SV2C: variants seen among roughly 807,000 people sequenced by gnomAD.
SV2C encodes solute carrier family 22 member B3.
Under a neutral mutation model 79.7 loss-of-function variants are expected in SV2C, and 49 were observed. The observed-to-expected ratio is 0.61, with a 90% CI of 0.49 to 0.78. The LOEUF (loss-of-function observed/expected upper bound fraction) is 0.78, where lower values mean the gene tolerates loss of function less well. Ranked by LOEUF, SV2C falls within the 30% of genes least tolerant of loss-of-function variation. The pLI is 0.00. For synonymous variants in SV2C, 334 were observed against 333.2 expected (o/e 1.00, Z -0.03); for missense variants, 833 against 912.9 (o/e 0.91, Z 1.13).
intron 12 of SV2C, among the ~76,000 whole-genome samples, chr5:76,309,757 CAAA>C (rs1561310707): frequency 1.3e-5 from 2 of 151,896 alleles, no homozygotes; most frequent in Admixed American, 1.3e-4. Flanking sequence ...AAGAGGTTGT[CAAA>C]GAAAGATGAT....
chr5:76,301,557 T>C lies in SV2C; in HGVS notation c.2000+12T>C, dbSNP rs973023972. On this transcript the variant is annotated intron_variant, in intron 12 of 12. Coordinates refer to ENST00000502798, the MANE Select transcript of SV2C (RefSeq NM_014979.4). ...CCCACAGACCGGAGGTATGTTGAAA[T>C]GGGCCTCTAGTAAGAGGCACTCTAA... 8 of 1,610,448 alleles carry C rather than the reference T, an allele frequency of 5.0e-6. No homozygotes were observed. In the Admixed American group the frequency reaches 1.0e-4, roughly 20 times the overall value.
At chr5:76,266,471 G>A (rs1310285741) in intron 4 of SV2C, among the ~76,000 whole-genome samples, 1 of 152,178 alleles carries the variant, frequency 6.6e-6, no homozygotes. Context: ...GCCTCCCAAA[G>A]TGCTGGGTTT....
intron 4 of SV2C, among the ~76,000 whole-genome samples, chr5:76,261,610 A>G (rs903907247): frequency 1.3e-5 from 2 of 152,188 alleles, no homozygotes; most frequent in African/African-American, 2.4e-5. Flanking sequence ...ATTTTGAGGT[A>G]TGTTCCACCA....
chr5:75,891,203 T>C, the SV2C span, among the ~76,000 whole-genome samples: 1 of 152,080 alleles, frequency 6.6e-6, no homozygotes, highest in African/African-American at 2.4e-5. Context: ...GACTTTTGCT[T>C]TGATCAGATT....
In SV2C at chr5:76,243,012, T is replaced by TAAAA. The variant is rs559052290; in HGVS notation, c.913+33150_913+33153dup. On this transcript the variant is annotated intron_variant, in intron 4 of 12. Coordinates refer to ENST00000502798, the MANE Select transcript of SV2C (RefSeq NM_014979.4). ...CTGTGCAACAGATCGAGACCCCATCTAAAAAAAAAAAAAAAAAAAAAAAAA... is the reference window on the plus strand; with the variant it reads ...CTGTGCAACAGATCGAGACCCCATCTAAAAAAAAAAAAAAAAAAAAAAAAAAAAA... Among the ~76,000 whole-genome samples, 21 of 49,922 alleles carry TAAAA rather than the reference T, an allele frequency of 4.2e-4. 1 individual carries two copies. The highest frequency in any genetic ancestry group is 1.1e-3 in the African/African-American group (15 of 13,256). The allele number at this position is 49,922 out of a possible 152,430, so 32.8% of individuals were successfully genotyped here.
At chr5:76,185,734 G>A (rs1743894986) in intron 2 of SV2C, among the ~76,000 whole-genome samples, 1 of 152,224 alleles carries the variant, frequency 6.6e-6, no homozygotes, top group African/African-American at 2.4e-5. Context: ...AGGCCTCCAG[G>A]CCTGTGATGG....
At chr5:76,339,643 G>A (rs570454428) in intron 12 of SV2C, among the ~76,000 whole-genome samples, 2 of 151,960 alleles carry the variant, frequency 1.3e-5, no homozygotes, top group South Asian at 4.2e-4. Context: ...GAACCTGGGA[G>A]GCGGAGCTTG....
intron 1 of SV2C, among the ~76,000 whole-genome samples, chr5:76,103,120 T>C (rs189688641): frequency 3.3e-5 from 5 of 152,294 alleles, no homozygotes; most frequent in Non-Finnish European, 7.4e-5. Context: ...TAATGCATAA[T>C]TAAAACTGCT....
the SV2C span, among the ~76,000 whole-genome samples, chr5:75,883,864 A>AC: frequency 2.6e-5 from 4 of 151,670 alleles, no homozygotes; most frequent in African/African-American, 7.3e-5. Flanking sequence ...ACAAAAAAAA[A>AC]ACATTTCTTT....
chr5:76,316,836 C>T (rs1014316062), intron 12 of SV2C, among the ~76,000 whole-genome samples: 1 of 152,154 alleles, frequency 6.6e-6, no homozygotes, highest in African/African-American at 2.4e-5. Flanking sequence ...CCACTACCCT[C>T]AGCTCGATAT....
chr5:76,103,549 T>G (rs1045354813), intron 1 of SV2C, among the ~76,000 whole-genome samples: 14 of 152,228 alleles, frequency 9.2e-5, no homozygotes, highest in Non-Finnish European at 2.1e-4. Flanking sequence ...GGTTTGCATG[T>G]CAGCCTATGG....
the SV2C span, among the ~76,000 whole-genome samples, chr5:75,889,125 T>A: frequency 6.6e-6 from 1 of 152,116 alleles, no homozygotes; most frequent in African/African-American, 2.4e-5. Context: ...CTGGGATACA[T>A]GTGCAGAACA....
chr5:76,090,567 C>G (rs1182404995), intron 1 of SV2C, among the ~76,000 whole-genome samples: 1 of 152,138 alleles, frequency 6.6e-6, no homozygotes, highest in Non-Finnish European at 1.5e-5. Context: ...AGATGAGCAT[C>G]TGGAGCTTTT....
rs954253437 is a variant in SV2C at position 76,331,673 on chromosome 5, T to C, written c.*6126T>C. The C allele has an allele frequency of 6.6e-6, 1 of 152,010 alleles. No homozygotes were observed. Among genetic ancestry groups the C allele is most frequent in the African/African-American group, 2.4e-5 (1 of 41,310 alleles). 9.4% of individuals were successfully genotyped at this position (152,010 alleles called of 1,614,324 possible). On this transcript the variant is annotated 3_prime_UTR_variant, in exon 13 of 13. Coordinates refer to ENST00000502798, the MANE Select transcript of SV2C (RefSeq NM_014979.4). ...ACTCATTTCCTTTATTTCCCTTTTG[T>C]TTTTTTTCTTTTCCTCCTCTGGTCG...
chr5:76,185,082 C>A (rs988910033), intron 2 of SV2C, among the ~76,000 whole-genome samples: 1 of 152,202 alleles, frequency 6.6e-6, no homozygotes, highest in African/African-American at 2.4e-5. Flanking sequence ...GCTACAGGCC[C>A]CATGTGAGTC....
the SV2C span, among the ~76,000 whole-genome samples, chr5:75,883,760 C>A: frequency 2.6e-5 from 4 of 151,138 alleles, no homozygotes; most frequent in Non-Finnish European, 5.9e-5. Context: ...GTGGGTGCAG[C>A]CCACCAGCCT....
intron 1 of SV2C, among the ~76,000 whole-genome samples, chr5:76,093,616 A>G (rs1747450233): frequency 6.6e-6 from 1 of 152,028 alleles, no homozygotes; most frequent in Non-Finnish European, 1.5e-5. Context: ...CCAAATATGA[A>G]CTCATTCCAG....
chr5:76,157,489 G>A (rs1742767289), intron 2 of SV2C, among the ~76,000 whole-genome samples: 1 of 151,882 alleles, frequency 6.6e-6, no homozygotes, highest in African/African-American at 2.4e-5. Flanking sequence ...ATATATATGT[G>A]TAAAAGACAG....
intron 1 of SV2C, among the ~76,000 whole-genome samples, chr5:76,129,517 C>G (rs1035517267): frequency 6.6e-6 from 1 of 152,158 alleles, no homozygotes; most frequent in African/African-American, 2.4e-5. Context: ...TTTCTCATTG[C>G]TCAAGTGCTT....
Sources: allele counts gnomAD v4.1 joint callset (sites outside exome capture counted in the v4.1 genomes callset), GRCh38; gene constraint gnomAD v4.1.1; transcripts MANE v1.5; gene names NCBI Gene and HGNC (gene_info 2026-07-23, HGNC 2026-07-21).